The following SLC35F4 variants were observed in gnomAD, a reference collection of about 807,000 sequenced individuals.
SLC35F4 encodes the protein chromosome 14 open reading frame 36.
A neutral mutation model predicts 44.2 loss-of-function variants in SLC35F4; 24 were observed. That is an observed-to-expected ratio of 0.54 (90% confidence interval 0.39 to 0.76). The LOEUF (loss-of-function observed/expected upper bound fraction) is 0.76, where lower values mean the gene tolerates loss of function less well. Ranked by LOEUF, SLC35F4 falls within the 30% of genes least tolerant of loss-of-function variation. The pLI, the probability that SLC35F4 is intolerant of heterozygous loss-of-function variation, is 0.00. For missense variants in SLC35F4, 562 were observed against 586.1 expected, an observed-to-expected ratio of 0.96 and a Z score of 0.42; for synonymous variants, 238 against 223.6, an observed-to-expected ratio of 1.06 and a Z score of -0.57.
At chr14:57,702,391 T>C (rs2075566385) in intron 1 of SLC35F4, among the ~76,000 whole-genome samples, 2 of 151,480 alleles carry the variant, frequency 1.3e-5, no homozygotes, top group Non-Finnish European at 2.9e-5. Flanking sequence ...ACCAAACCTG[T>C]GCCTGTTCTA....
At chr14:57,950,675 C>CTTTTTTTTTTTTTTTTTTTTTTT (rs59027196) in intron 1 of SLC35F4, among the ~76,000 whole-genome samples, 32 of 127,194 alleles carry the variant, frequency 2.5e-4, no homozygotes, top group African/African-American at 6.1e-4. Context: ...TTCTTTCTTT[C>CTTTTTTTTTTTTTTTTTTTTTTT]TTTTTTTTTT....
At position 57,890,224 on chromosome 14, in the gene SLC35F4, A is replaced by T. The variant is rs192360512; in HGVS notation, n.282+91689T>A. Among the ~76,000 whole-genome samples the T allele has an allele frequency of 3.3e-5, 5 of 152,302 alleles. No homozygotes were observed. The East Asian group carries it at 9.7e-4, about 29-fold the overall frequency. On this transcript the variant is annotated intron_variant and non_coding_transcript_variant, in intron 1 of 1. Transcript: ENST00000556568. ...ACTGATGGGCAAACATGTGGAGTAG[A>T]TATGGACCCACTCACATCCTGGAGA... is the stretch of plus-strand genomic sequence containing the variant.
chr14:57,781,363 G>T (rs1024574250), intron 1 of SLC35F4, among the ~76,000 whole-genome samples: 1 of 151,976 alleles, frequency 6.6e-6, no homozygotes, highest in African/African-American at 2.4e-5. Context: ...AACCATAATA[G>T]GTACCATCTC....
At chr14:57,924,064 G>A (rs1435840750) in intron 1 of SLC35F4, among the ~76,000 whole-genome samples, 1 of 152,262 alleles carries the variant, frequency 6.6e-6, no homozygotes, top group Admixed American at 6.5e-5. Flanking sequence ...CTCTCTCTTT[G>A]CCTGCTGCCA....
chr14:57,696,437 G>A (rs978818505), intron 1 of SLC35F4, among the ~76,000 whole-genome samples: 1 of 152,198 alleles, frequency 6.6e-6, no homozygotes, highest in Admixed American at 6.5e-5. Context: ...GCGAGGATGT[G>A]GAGAAATAGG....
chr14:57,581,086 C>T (rs554819866), intron 4 of SLC35F4, 128 bp downstream of exon 4: 47 of 877,370 alleles, frequency 5.4e-5, no homozygotes, highest in Middle Eastern at 3.2e-4. Flanking sequence ...CTTCAGATTT[C>T]GGTTTGTACT....
At position 57,702,101 on chromosome 14, in the gene SLC35F4, A is replaced by C. The variant is rs116797548; in HGVS notation, c.104-107977T>G. On this transcript the variant is annotated intron_variant, in intron 1 of 7. Transcript: ENST00000556826. Reference sequence around the variant, plus strand: ...CTACCACAAAGTTACAGGAAAACAAACTTCTGCAAAGGCATTTGACCAGCC... The same window carrying C: ...CTACCACAAAGTTACAGGAAAACAACCTTCTGCAAAGGCATTTGACCAGCC... Among the ~76,000 whole-genome samples, 924 of 152,270 alleles carry C rather than the reference A, an allele frequency of 6.1e-3. 11 individuals are homozygous for C. The highest frequency in any genetic ancestry group is 0.021 in the African/African-American group (881 of 41,546).
At chr14:57,728,015 A>C (rs1311691504) in intron 1 of SLC35F4, among the ~76,000 whole-genome samples, 3 of 152,136 alleles carry the variant, frequency 2.0e-5, no homozygotes, top group African/African-American at 4.8e-5. Context: ...ATTGGGATTT[A>C]TCTCTCTCTT....
chr14:57,611,590 A>AAAC (rs944412898), intron 1 of SLC35F4, among the ~76,000 whole-genome samples: 22 of 134,458 alleles, frequency 1.6e-4, no homozygotes, highest in Admixed American at 4.6e-4. Flanking sequence ...AGAGTTAAAA[A>AAAC]AAAAAAAACA....
chr14:57,932,798 G>A (rs932841908), intron 1 of SLC35F4, among the ~76,000 whole-genome samples: 25 of 152,106 alleles, frequency 1.6e-4, no homozygotes, highest in African/African-American at 5.5e-4. Context: ...GCAGTGAGCC[G>A]AGGTCATACC....
intron 1 of SLC35F4, among the ~76,000 whole-genome samples, chr14:57,970,497 C>A (rs891279118): frequency 1.3e-5 from 2 of 152,012 alleles, no homozygotes. Flanking sequence ...ATGAATGACC[C>A]AAACAGAGGT....
intron 1 of SLC35F4, among the ~76,000 whole-genome samples, chr14:57,703,467 C>T (rs528220404): frequency 1.3e-5 from 2 of 152,270 alleles, no homozygotes; most frequent in Admixed American, 1.3e-4. Context: ...TGAGTAATCC[C>T]CTTGTCTTTG....
intron 1 of SLC35F4, among the ~76,000 whole-genome samples, chr14:57,764,213 G>C (rs1452081962): frequency 6.6e-6 from 1 of 152,054 alleles, no homozygotes; most frequent in Non-Finnish European, 1.5e-5. Context: ...AGAGATAATA[G>C]TAAATTGTTG....
chr14:57,832,377 G>T (rs1884465712), intron 1 of SLC35F4, among the ~76,000 whole-genome samples: 1 of 152,132 alleles, frequency 6.6e-6, no homozygotes, highest in Admixed American at 6.5e-5. Flanking sequence ...CTTGTCCAAA[G>T]TCACAGATTA....
chr14:57,802,756 C>T (rs1781735775), intron 1 of SLC35F4, among the ~76,000 whole-genome samples: 1 of 152,050 alleles, frequency 6.6e-6, no homozygotes, highest in Admixed American at 6.5e-5. Flanking sequence ...CCTCCCAAGA[C>T]TGAACCAGGA....
intron 4 of SLC35F4, among the ~76,000 whole-genome samples, chr14:57,578,329 T>G (rs935416738): frequency 2.8e-4 from 15 of 53,112 alleles, no homozygotes; most frequent in African/African-American, 1.5e-3. Context: ...TTAACTGTTT[T>G]TTTTTTTTTT....
rs573962555 is a variant in SLC35F4, at chr14:57,932,395, TCA to T, written n.282+49516_282+49517del. 2.9e-3 allele frequency among the ~76,000 whole-genome samples: 441 copies of T among 152,356 alleles called. 9 individuals are homozygous for T. Among genetic ancestry groups the T allele is most frequent in the Non-Finnish European group, 7.2e-4 (49 of 68,044 alleles). On this transcript the variant is annotated intron_variant and non_coding_transcript_variant, in intron 1 of 1. Coordinates refer to the SLC35F4 transcript ENST00000556568. The stretch of plus-strand genomic sequence containing the variant: ...GTTCTAATTAGGCAACCTGATTTTT[TCA>T]CAGTCATAGTTTTCACGTCTTTTCA...
At chr14:57,769,836 A>G (rs2077320061) in intron 1 of SLC35F4, among the ~76,000 whole-genome samples, 2 of 152,218 alleles carry the variant, frequency 1.3e-5, no homozygotes, top group South Asian at 2.1e-4. Context: ...TTGTTTCTTT[A>G]TAAGACCTGA....
chr14:57,882,363 T>C (rs1024112197), intron 1 of SLC35F4, among the ~76,000 whole-genome samples: 1 of 152,172 alleles, frequency 6.6e-6, no homozygotes, highest in Non-Finnish European at 1.5e-5. Context: ...CCACCACCTA[T>C]CTGACACCTC....
Sources: gnomAD v4.1 joint callset for allele counts (sites outside exome capture counted in the v4.1 genomes callset) on GRCh38, gnomAD v4.1.1 for gene constraint, MANE v1.5 for transcripts, NCBI Gene and HGNC (gene_info 2026-07-23, HGNC 2026-07-21) for gene names.